HYPK: variants seen among roughly 807,000 people sequenced by gnomAD.
HYPK encodes the protein huntingtin-interacting protein K.
In HYPK, 9 loss-of-function variants were observed where a neutral mutation model predicts 13.9. The ratio of observed to expected loss-of-function variants is 0.65; its 90% confidence interval spans 0.39 to 1.13. HYPK has a LOEUF of 1.13. Among genes scored for constraint, HYPK ranks in the 50% most tolerant of loss-of-function variants. The pLI is 0.01. For synonymous variants in HYPK, 76 were observed against 57.0 expected, an observed-to-expected ratio of 1.33 and a Z score of -1.50; for missense variants, 138 against 157.6, an observed-to-expected ratio of 0.88 and a Z score of 0.67.
chr15:43,801,019 C>G, intron 1 of HYPK, 113 bp from the exon 2 acceptor site: 1 of 996,024 alleles, frequency 1.0e-6, no homozygotes, highest in Non-Finnish European at 1.6e-6. Context: ...GTCCTTGCTA[C>G]CTGGTAACAC....
At position 43,802,978 on chromosome 15, in the gene HYPK, C is replaced by G. The variant is rs1297185109; in HGVS notation, c.*1172C>G. 6.6e-6 allele frequency: 1 copy of G among 151,820 alleles called. No individual in the cohort carries two copies. Among genetic ancestry groups the G allele is most frequent in the Non-Finnish European group, 1.5e-5 (1 of 68,056 alleles). The allele number at this position is 151,820 out of a possible 1,614,324, so 9.4% of individuals were successfully genotyped here. Reference sequence around the variant, plus strand: ...CTGAGGCAAGACGATCACTTGAGCCCAGCAGTTTGAGACCAGCTTGGGCAA... The same window carrying G: ...CTGAGGCAAGACGATCACTTGAGCCGAGCAGTTTGAGACCAGCTTGGGCAA... On this transcript the variant is annotated 3_prime_UTR_variant, in exon 4 of 4. Transcript: ENST00000442995.
upstream of HYPK, chr15:43,800,498 C>A (rs764890896): frequency 1.1e-5 from 14 of 1,308,628 alleles, no homozygotes; most frequent in Middle Eastern, 1.8e-4. Context: ...CCTGAAGCTT[C>A]TAGAACTGGA....
chr15:43,800,548 C>T (rs1489686815), upstream of HYPK: 3 of 1,596,154 alleles, frequency 1.9e-6, no homozygotes, highest in Admixed American at 3.5e-5. Flanking sequence ...CCCGCCTCCT[C>T]CCCGGGCGGA....
chr15:43,800,891 G>C, intron 1 of HYPK, 107 bp downstream of exon 1: 1 of 1,165,306 alleles, frequency 8.6e-7, no homozygotes, highest in Non-Finnish European at 1.2e-6. Flanking sequence ...CCGTTGGCAG[G>C]AGGAGGCAAT....
intron 1 of HYPK, 136 bp from the exon 2 acceptor site, chr15:43,800,996 G>T (rs367684785): frequency 6.3e-5 from 56 of 888,300 alleles, no homozygotes; most frequent in East Asian, 4.2e-4. Flanking sequence ...TGCATAGAAT[G>T]GAATTAAACA....
Position 43,802,451 on chromosome 15 carries a change from C to G in HYPK, c.*645C>G, listed in dbSNP as rs2087328350. On this transcript the variant is annotated 3_prime_UTR_variant, in exon 4 of 4. Transcript: ENST00000442995. ...TGGTGGTGGGCGCCTATAATCCCAG[C>G]TATTCTGGAGGCTGAGGCAGGAATC... 1 of 150,930 alleles carries G rather than the reference C, an allele frequency of 6.6e-6. No homozygotes were observed. Among genetic ancestry groups the G allele is most frequent in the Non-Finnish European group, 1.5e-5 (1 of 68,198 alleles). The allele number at this position is 150,930 out of a possible 1,614,324, so 9.3% of individuals were successfully genotyped here.
rs72065548 is a variant in HYPK at position 43,804,104 on chromosome 15, CAAA to C, written c.*2306_*2308del. Reference sequence around the variant, plus strand: ...CGTCTCTTTAAAACAAACAAACAAACAAAAAAAAAACCCTGCAACGGCCCCTGA... The same window carrying C: ...CGTCTCTTTAAAACAAACAAACAAACAAAAAAACCCTGCAACGGCCCCTGA... On this transcript the variant is annotated 3_prime_UTR_variant, in exon 4 of 4. Transcript: ENST00000442995. 2.7e-5 allele frequency among the ~76,000 whole-genome samples: 4 copies of C among 147,958 alleles called. No homozygotes were observed. The highest frequency in any genetic ancestry group is 4.9e-5 in the African/African-American group (2 of 40,582).
Position 43,801,704 on chromosome 15 carries a change from T to C in HYPK, c.271-7T>C, listed in dbSNP as rs763555967. Reference sequence around the variant, plus strand: ...GGGAACCTATGTAACATGATTTTTTTCTGCAGATGACTGAGATGGAGATAT... The same window carrying C: ...GGGAACCTATGTAACATGATTTTTTCCTGCAGATGACTGAGATGGAGATAT... On this transcript the variant is annotated splice_polypyrimidine_tract_variant and splice_region_variant and intron_variant, in intron 3 of 3. Coordinates refer to ENST00000442995, the MANE Select transcript of HYPK (RefSeq NM_016400.4). The C allele has an allele frequency of 2.1e-5, 34 of 1,614,028 alleles. No homozygotes were observed. In the South Asian group the frequency reaches 3.5e-4, roughly 17 times the overall value.
At chr15:43,800,453 C>A, upstream of HYPK, 10 of 905,328 alleles carry the variant, frequency 1.1e-5, no homozygotes, top group Non-Finnish European at 1.8e-5. Flanking sequence ...CTGTACAAAC[C>A]CGAAAGGAAG....
upstream of HYPK, chr15:43,800,594 G>A (rs1222663376): frequency 3.1e-6 from 5 of 1,613,762 alleles, 1 homozygote; most frequent in South Asian, 5.5e-5. Context: ...CGTGAGGTGG[G>A]GCTTATGCGG....
rs1303508632 is a variant in HYPK at position 43,804,107 on chromosome 15, A to AC, written c.*2301_*2302insC. 6.6e-6 allele frequency among the ~76,000 whole-genome samples: 1 copy of AC among 151,738 alleles called. No individual in the cohort carries two copies. The highest frequency in any genetic ancestry group is 1.5e-5 in the Non-Finnish European group (1 of 67,958). On this transcript the variant is annotated 3_prime_UTR_variant, in exon 4 of 4. Transcript: ENST00000442995. ...CTCTTTAAAACAAACAAACAAACAAAAAAAAAACCCTGCAACGGCCCCTGA... is the reference window on the plus strand; with the variant it reads ...CTCTTTAAAACAAACAAACAAACAAACAAAAAAACCCTGCAACGGCCCCTGA...
At position 43,801,863 on chromosome 15, in the gene HYPK, T is replaced by G. The variant is rs912169020; in HGVS notation, c.*57T>G. 1.3e-6 allele frequency: 2 copies of G among 1,484,474 alleles called. No homozygotes were observed. Among genetic ancestry groups the G allele is most frequent in the South Asian group, 2.3e-5 (2 of 87,902 alleles). The allele number at this position is 1,484,474 out of a possible 1,614,324, so 92.0% of individuals were successfully genotyped here. ...AATTTATGGCAATAAAATTTTTTTT[T>G]GTCTTTTTCAGTTTTATCATCTTGG... On this transcript the variant is annotated 3_prime_UTR_variant, in exon 4 of 4. Transcript: ENST00000442995.
Position 43,803,338 on chromosome 15 carries a change from A to G in HYPK, c.*1532A>G, listed in dbSNP as rs549023098. Among the ~76,000 whole-genome samples the G allele has an allele frequency of 6.6e-6, 1 of 152,138 alleles. No homozygotes were observed. Among genetic ancestry groups the G allele is most frequent in the Non-Finnish European group, 1.5e-5 (1 of 68,004 alleles). ...AGCCTGGGAGGTTGAGGCTGCAGTG[A>G]GCTGAGATTGTGCTACTGCACTCCA... On this transcript the variant is annotated 3_prime_UTR_variant, in exon 4 of 4. Coordinates refer to ENST00000442995, the MANE Select transcript of HYPK (RefSeq NM_016400.4).
At position 43,802,967 on chromosome 15, in the gene HYPK, T is replaced by C. The variant is rs899665543; in HGVS notation, c.*1161T>C. On this transcript the variant is annotated 3_prime_UTR_variant, in exon 4 of 4. Transcript: ENST00000442995. Reference sequence around the variant, plus strand: ...ACCTTGGGAAGCTGAGGCAAGACGATCACTTGAGCCCAGCAGTTTGAGACC... The same window carrying C: ...ACCTTGGGAAGCTGAGGCAAGACGACCACTTGAGCCCAGCAGTTTGAGACC... 1.1e-4 allele frequency: 16 copies of C among 151,534 alleles called. No homozygotes were observed. The highest frequency in any genetic ancestry group is 3.9e-4 in the African/African-American group (16 of 41,136). 9.4% of individuals were successfully genotyped at this position (151,534 alleles called of 1,614,324 possible).
At position 43,800,660 on chromosome 15, in the gene HYPK, C is replaced by CT. The variant is rs1567173502; in HGVS notation, c.39dup (p.Glu14Ter). On this transcript the variant is annotated frameshift_variant, in exon 1 of 4. Coordinates refer to ENST00000442995, the MANE Select transcript of HYPK (RefSeq NM_016400.4). LOFTEE classifies it high-confidence loss of function. Reference sequence around the variant, plus strand: ...GGGGATGTGGAGCTGGAGTTGGAGACTGAGACCAGTGGACCAGAGCGGCCT... The same window carrying CT: ...GGGGATGTGGAGCTGGAGTTGGAGACTTGAGACCAGTGGACCAGAGCGGCCT... 1.2e-6 allele frequency: 2 copies of CT among 1,614,106 alleles called. No individual in the cohort carries two copies. The highest frequency in any genetic ancestry group is 1.7e-6 in the Non-Finnish European group (2 of 1,180,026).
rs909031170 is a variant in HYPK at position 43,803,646 on chromosome 15, T to C, written c.*1840T>C. On this transcript the variant is annotated 3_prime_UTR_variant, in exon 4 of 4. Transcript: ENST00000442995. ...CTCTACTAAAAGTACAAAAAAAAAT[T>C]AGCTGGGTGTGGTGGTGGACGCCTG... Among the ~76,000 whole-genome samples the C allele has an allele frequency of 9.2e-5, 14 of 151,678 alleles. No homozygotes were observed. Among genetic ancestry groups the C allele is most frequent in the Non-Finnish European group, 1.3e-4 (9 of 67,952 alleles).
At position 43,802,953 on chromosome 15, in the gene HYPK, C is replaced by G. The variant is rs888540453; in HGVS notation, c.*1147C>G. 10 of 149,634 alleles carry G rather than the reference C, an allele frequency of 6.7e-5. No individual in the cohort carries two copies. The highest frequency in any genetic ancestry group is 2.5e-4 in the African/African-American group (10 of 40,430). The allele number at this position is 149,634 out of a possible 1,614,324, so 9.3% of individuals were successfully genotyped here. A position where few individuals can be genotyped will look rare whatever the true frequency, so the allele number is the denominator to read the frequency against. ...CCTGTAATCCCAACACCTTGGGAAG[C>G]TGAGGCAAGACGATCACTTGAGCCC... On this transcript the variant is annotated 3_prime_UTR_variant, in exon 4 of 4. Transcript: ENST00000442995.
At chr15:43,800,515 A>C (rs1186433877), upstream of HYPK, 1 of 1,411,356 alleles carries the variant, frequency 7.1e-7, no homozygotes, top group Admixed American at 1.9e-5. Context: ...TGGAGCAGAA[A>C]GAAGGTGTGG....
chr15:43,804,101 AAAC>A lies in HYPK; in HGVS notation c.*2298_*2300del, dbSNP rs1183961684. Among the ~76,000 whole-genome samples the A allele has an allele frequency of 2.1e-5, 3 of 142,468 alleles. No individual in the cohort carries two copies. The East Asian group carries it at 6.4e-4, about 30-fold the overall frequency. 93.5% of individuals were successfully genotyped at this position (142,468 alleles called of 152,430 possible). Reference sequence around the variant, plus strand: ...AGCCGTCTCTTTAAAACAAACAAACAAACAAAAAAAAAACCCTGCAACGGCCCC... The same window carrying A: ...AGCCGTCTCTTTAAAACAAACAAACAAAAAAAAAAACCCTGCAACGGCCCC... On this transcript the variant is annotated 3_prime_UTR_variant, in exon 4 of 4. Transcript: ENST00000442995.
Sources: allele counts gnomAD v4.1 joint callset (sites outside exome capture counted in the v4.1 genomes callset), GRCh38; gene constraint gnomAD v4.1.1; transcripts MANE v1.5; gene names NCBI Gene and HGNC (gene_info 2026-07-23, HGNC 2026-07-21).